The following DDX60 variants were observed in gnomAD, a reference collection of about 807,000 sequenced individuals.
DDX60 encodes the protein DExD/H-box helicase 60, also known as probable ATP-dependent RNA helicase DDX60.
DDX60 carries 165 observed loss-of-function variants against 212.8 expected under a neutral mutation model. That is an observed-to-expected ratio of 0.78 (90% confidence interval 0.68 to 0.88). The LOEUF (loss-of-function observed/expected upper bound fraction) is 0.88, where lower values mean the gene tolerates loss of function less well. Among genes scored for constraint, DDX60 ranks in the 40% least tolerant of loss-of-function variants. The pLI is 0.00. For missense variants in DDX60, 1,905 were observed against 2,003.9 expected (o/e 0.95, Z 0.94); for synonymous variants, 703 against 685.3 (o/e 1.03, Z -0.40).
chr4:168,310,165 A>T (rs1045427286), intron 3 of DDX60, among the ~76,000 whole-genome samples: 1 of 152,040 alleles, frequency 6.6e-6, no homozygotes, highest in Non-Finnish European at 1.5e-5. Flanking sequence ...GCCACCTAGA[A>T]CTCCATGAGT....
chr4:168,295,321 G>A (rs1736295739), intron 6 of DDX60, among the ~76,000 whole-genome samples: 1 of 152,190 alleles, frequency 6.6e-6, no homozygotes, highest in Non-Finnish European at 1.5e-5. Flanking sequence ...GAATCCTTCT[G>A]GATGAATTGC....
In DDX60 at chr4:168,237,138, T is replaced by C. The variant is rs1333832658; in HGVS notation, c.4411+148A>G. On this transcript the variant is annotated intron_variant, in intron 32 of 37. Transcript: ENST00000393743. ...ATCATTTAATATATATTAGTAGGTA[T>C]TTACTTTATCAATTGAAGATCTATA... 6 of 508,856 alleles carry C rather than the reference T, an allele frequency of 1.2e-5. No individual in the cohort carries two copies. The East Asian group carries it at 2.3e-4, about 19-fold the overall frequency. The allele number at this position is 508,856 out of a possible 1,614,324, so 31.5% of individuals were successfully genotyped here. A position where few individuals can be genotyped will look rare whatever the true frequency, so the allele number is the denominator to read the frequency against.
chr4:168,268,992 T>A, intron 19 of DDX60, 23 bp from the exon 20 acceptor site: 1 of 1,093,404 alleles, frequency 9.1e-7, no homozygotes, highest in African/African-American at 1.6e-5. Flanking sequence ...AAAAAAAAAA[T>A]CTCAACTGAA....
At chr4:168,284,182 G>A (rs969938942) in intron 12 of DDX60, among the ~76,000 whole-genome samples, 5 of 152,086 alleles carry the variant, frequency 3.3e-5, no homozygotes, top group South Asian at 4.2e-4. Context: ...AGACCACTCC[G>A]AAGCATGTTA....
intron 6 of DDX60, among the ~76,000 whole-genome samples, chr4:168,297,295 GACGA>G (rs1736396026): frequency 3.3e-5 from 3 of 89,620 alleles, no homozygotes; most frequent in African/African-American, 5.1e-5. Context: ...GAGAGAGAGA[GACGA>G]AAGAAAGAAA....
At chr4:168,301,167 C>T (rs1269827919) in intron 6 of DDX60, among the ~76,000 whole-genome samples, 4 of 151,700 alleles carry the variant, frequency 2.6e-5, no homozygotes, top group Non-Finnish European at 5.9e-5. Flanking sequence ...TTGTAGATAA[C>T]GAAAGCTGGA....
chr4:168,292,551 G>A (rs1736156630), intron 7 of DDX60, among the ~76,000 whole-genome samples: 2 of 152,128 alleles, frequency 1.3e-5, no homozygotes, highest in South Asian at 4.1e-4. Context: ...AATTTCACAG[G>A]ACTCTACGCT....
intron 29 of DDX60, 68 bp from the exon 30 acceptor site, chr4:168,246,686 A>G: frequency 1.3e-6 from 2 of 1,517,618 alleles, no homozygotes; most frequent in Non-Finnish European, 1.8e-6. Context: ...TGTAAGAATG[A>G]GCCCTTTACT....
chr4:168,257,748 T>C (rs1224998012), intron 25 of DDX60, among the ~76,000 whole-genome samples: 2 of 152,166 alleles, frequency 1.3e-5, no homozygotes, highest in Non-Finnish European at 2.9e-5. Flanking sequence ...TCTCCAAATA[T>C]GTTGACTATA....
At chr4:168,281,980 A>G (rs1440237155) in intron 13 of DDX60, among the ~76,000 whole-genome samples, 1 of 152,220 alleles carries the variant, frequency 6.6e-6, no homozygotes, top group African/African-American at 2.4e-5. Context: ...GAATTTCTGC[A>G]AATTTACCAT....
upstream of DDX60, among the ~76,000 whole-genome samples, chr4:168,322,038 A>G (rs2149563540): frequency 6.6e-6 from 1 of 152,108 alleles, no homozygotes; most frequent in Middle Eastern, 3.4e-3. Flanking sequence ...CTCCCTTCAA[A>G]TTTCTCAGGC....
chr4:168,303,234 G>A (rs561702909), intron 5 of DDX60, among the ~76,000 whole-genome samples: 3 of 151,450 alleles, frequency 2.0e-5, no homozygotes, highest in South Asian at 2.1e-4. Flanking sequence ...CCCGGGAGGC[G>A]GAGCTTGCAG....
At chr4:168,234,266 C>G (rs1733555337) in intron 33 of DDX60, among the ~76,000 whole-genome samples, 1 of 152,002 alleles carries the variant, frequency 6.6e-6, no homozygotes, top group Admixed American at 6.6e-5. Context: ...TTGGAAAATT[C>G]CCAGCTATTA....
Position 168,311,358 on chromosome 4 carries a change from T to C in DDX60, c.-99A>G, listed in dbSNP as rs1214652666. The C allele has an allele frequency of 5.6e-6, 7 of 1,252,896 alleles. No individual in the cohort carries two copies. Among genetic ancestry groups the C allele is most frequent in the African/African-American group, 3.0e-5 (2 of 66,064 alleles). The allele number at this position is 1,252,896 out of a possible 1,614,324, so 77.6% of individuals were successfully genotyped here. A position where few individuals can be genotyped will look rare whatever the true frequency, so the allele number is the denominator to read the frequency against. On this transcript the variant is annotated 5_prime_UTR_variant, in exon 2 of 38. Coordinates refer to ENST00000393743, the MANE Select transcript of DDX60 (RefSeq NM_017631.6). ...TCTAAGTGGCAGTTCTTAATGAAAA[T>C]GGCAGTCCTGCAAAAAAAGAAAAGA...
At chr4:168,261,676 T>C (rs995470255) in intron 24 of DDX60, among the ~76,000 whole-genome samples, 1 of 152,194 alleles carries the variant, frequency 6.6e-6, no homozygotes, top group African/African-American at 2.4e-5. Flanking sequence ...TCTCAGAGAC[T>C]GTTACTGTGA....
intron 35 of DDX60, 77 bp downstream of exon 35, chr4:168,224,166 T>C: frequency 6.5e-6 from 10 of 1,527,018 alleles, no homozygotes; most frequent in Non-Finnish European, 8.9e-6. Flanking sequence ...AATTCGAAGT[T>C]CTTTCTAAGC....
chr4:168,295,576 G>A (rs745591438), intron 6 of DDX60, among the ~76,000 whole-genome samples: 32 of 152,314 alleles, frequency 2.1e-4, no homozygotes, highest in Admixed American at 2.6e-4. Flanking sequence ...CACCCCTGGA[G>A]TCTCTCTGAA....
intron 14 of DDX60, among the ~76,000 whole-genome samples, chr4:168,277,602 C>A (rs1235157951): frequency 6.6e-6 from 1 of 151,920 alleles, no homozygotes; most frequent in Admixed American, 6.6e-5. Context: ...CTTTGGGAGG[C>A]CGAGGCGGGC....
intron 37 of DDX60, among the ~76,000 whole-genome samples, chr4:168,219,164 C>T (rs1402231462): frequency 6.6e-6 from 1 of 151,138 alleles, no homozygotes; most frequent in East Asian, 1.9e-4. Context: ...TGGTGGTATA[C>T]ACCTGTAGTC....
Sources: allele counts gnomAD v4.1 joint callset (sites outside exome capture counted in the v4.1 genomes callset), GRCh38; gene constraint gnomAD v4.1.1; transcripts MANE v1.5; gene names NCBI Gene and HGNC (gene_info 2026-07-23, HGNC 2026-07-21).